Variants in KCNN2 observed in about 807,000 individuals in gnomAD.
KCNN2 encodes the protein small conductance calcium-activated potassium channel protein 2.
KCNN2 carries 24 observed loss-of-function variants against 55.5 expected under a neutral mutation model. That is an observed-to-expected ratio of 0.43 (90% CI 0.31 to 0.61). KCNN2 has a LOEUF of 0.61. Among genes scored for constraint, KCNN2 ranks in the 20% least tolerant of loss-of-function variants. The pLI, the probability that KCNN2 is intolerant of heterozygous loss-of-function variation, is 0.08. For missense variants in KCNN2, 754 were observed against 853.6 expected, an observed-to-expected ratio of 0.88 and a Z score of 1.45; for synonymous variants, 431 against 336.1, an observed-to-expected ratio of 1.28 and a Z score of -3.09.
intron 2 of KCNN2, among the ~76,000 whole-genome samples, chr5:114,229,668 A>C (rs1220740788): frequency 6.6e-6 from 1 of 152,112 alleles, no homozygotes; most frequent in Non-Finnish European, 1.5e-5. Flanking sequence ...AATACATATT[A>C]AAATTTACGT....
At chr5:114,297,523 C>T (rs1756053425) in intron 2 of KCNN2, among the ~76,000 whole-genome samples, 1 of 152,022 alleles carries the variant, frequency 6.6e-6, no homozygotes, top group Admixed American at 6.5e-5. Context: ...TAAATTGGTA[C>T]ATCATCTTTG....
intron 1 of KCNN2, among the ~76,000 whole-genome samples, chr5:114,218,889 G>C (rs1754066320): frequency 6.6e-6 from 1 of 152,130 alleles, no homozygotes; most frequent in Non-Finnish European, 1.5e-5. Context: ...CACCTTCATG[G>C]GACTTGTGGC....
intron 1 of KCNN2, among the ~76,000 whole-genome samples, chr5:114,198,379 T>C: frequency 6.7e-6 from 1 of 150,274 alleles, no homozygotes; most frequent in East Asian, 1.9e-4. Context: ...TATACATATA[T>C]ACATATATAT....
At chr5:114,241,137 T>A (rs1754609228) in intron 2 of KCNN2, among the ~76,000 whole-genome samples, 1 of 151,828 alleles carries the variant, frequency 6.6e-6, no homozygotes, top group Non-Finnish European at 1.5e-5. Context: ...AAGGAAGTTA[T>A]GAAATATAAC....
chr5:114,319,563 T>C (rs1034103874), intron 2 of KCNN2, among the ~76,000 whole-genome samples: 1 of 152,186 alleles, frequency 6.6e-6, no homozygotes, highest in African/African-American at 2.4e-5. Flanking sequence ...GGTGAGTTGC[T>C]ACTAGAAAAT....
intron 1 of KCNN2, among the ~76,000 whole-genome samples, chr5:114,207,633 T>C (rs1230068345): frequency 1.3e-5 from 2 of 152,224 alleles, no homozygotes; most frequent in African/African-American, 4.8e-5. Context: ...TTTTTTCTTG[T>C]CCTTGAAAGA....
chr5:114,293,990 G>T (rs1025253644), intron 2 of KCNN2, among the ~76,000 whole-genome samples: 2 of 152,172 alleles, frequency 1.3e-5, no homozygotes, highest in African/African-American at 2.4e-5. Flanking sequence ...AGAGTTGTTT[G>T]TAGTATTCTC....
At chr5:114,211,051 TA>T (rs1041969639) in intron 1 of KCNN2, among the ~76,000 whole-genome samples, 3 of 150,958 alleles carry the variant, frequency 2.0e-5, no homozygotes, top group Non-Finnish European at 4.4e-5. Context: ...ATTAAAAAGT[TA>T]AAAAAAAACA....
At chr5:114,483,273 CTTTTTTT>C (rs34472228) in intron 5 of KCNN2, among the ~76,000 whole-genome samples, 1 of 108,050 alleles carries the variant, frequency 9.3e-6, no homozygotes, top group Non-Finnish European at 1.9e-5. Flanking sequence ...TTCTTTCTTT[CTTTTTTT>C]TTTTTTTTTT....
chr5:114,267,905 C>T (rs537212001), intron 2 of KCNN2, among the ~76,000 whole-genome samples: 1 of 152,272 alleles, frequency 6.6e-6, no homozygotes, highest in Non-Finnish European at 1.5e-5. Flanking sequence ...ATGAGGGAAA[C>T]CAGTGTTTCT....
chr5:114,350,153 T>C (rs907506983), intron 2 of KCNN2, among the ~76,000 whole-genome samples: 2 of 152,046 alleles, frequency 1.3e-5, no homozygotes, highest in Admixed American at 1.3e-4. Flanking sequence ...TGTACATATT[T>C]ATAGGATACA....
chr5:114,167,342 T>G (rs1168131756), intron 1 of KCNN2, among the ~76,000 whole-genome samples: 4 of 152,174 alleles, frequency 2.6e-5, no homozygotes. Flanking sequence ...GGATTAATAA[T>G]AGTAACTGAA....
intron 3 of KCNN2, among the ~76,000 whole-genome samples, chr5:114,410,211 GAA>G (rs1351843182): frequency 6.6e-6 from 1 of 152,164 alleles, no homozygotes; most frequent in Non-Finnish European, 1.5e-5. Flanking sequence ...TTGGGGTCCT[GAA>G]GATTGGGAAT....
chr5:114,068,094 A>G (rs1031275644), intron 1 of KCNN2, among the ~76,000 whole-genome samples: 3 of 152,238 alleles, frequency 2.0e-5, no homozygotes, highest in African/African-American at 4.8e-5. Flanking sequence ...ATTAATTACC[A>G]CAAGACTGGT....
chr5:114,153,550 G>T (rs889808664), intron 1 of KCNN2, among the ~76,000 whole-genome samples: 3 of 152,138 alleles, frequency 2.0e-5, no homozygotes, highest in African/African-American at 4.8e-5. Flanking sequence ...TGTTTCTTGT[G>T]TCTGTTTCCC....
chr5:114,476,495 C>T (rs1292974701), intron 5 of KCNN2, among the ~76,000 whole-genome samples: 12 of 149,006 alleles, frequency 8.1e-5, no homozygotes, highest in East Asian at 7.9e-4. Context: ...AGTACAGTGG[C>T]GCAACCTCCA....
At chr5:114,156,767 T>C (rs954722694) in intron 1 of KCNN2, among the ~76,000 whole-genome samples, 5 of 152,124 alleles carry the variant, frequency 3.3e-5, no homozygotes, top group Non-Finnish European at 7.4e-5. Flanking sequence ...CTCTTTTTTT[T>C]CCTAAATTCA....
rs1437904238 is a variant in KCNN2, at chr5:114,457,986, C to G, written c.1638-5063C>G. Among the ~76,000 whole-genome samples the G allele has an allele frequency of 3.3e-5, 5 of 152,190 alleles. No individual in the cohort carries two copies. The East Asian group carries it at 9.6e-4, about 29-fold the overall frequency. On this transcript the variant is annotated intron_variant, in intron 3 of 7. Coordinates refer to ENST00000673685, the MANE Select transcript of KCNN2 (RefSeq NM_021614.4). Reference sequence around the variant, plus strand: ...TAAATCTAGTTCTCTGTTGCTCCATCTTGGCTGAAAGCAAATTACACAGTA... The same window carrying G: ...TAAATCTAGTTCTCTGTTGCTCCATGTTGGCTGAAAGCAAATTACACAGTA...
At chr5:114,390,457 C>G (rs1758420174) in intron 2 of KCNN2, among the ~76,000 whole-genome samples, 1 of 152,086 alleles carries the variant, frequency 6.6e-6, no homozygotes, top group Non-Finnish European at 1.5e-5. Flanking sequence ...CTTATTCTAC[C>G]TGAAGTTAGT....
Sources: gnomAD v4.1 joint callset for allele counts (sites outside exome capture counted in the v4.1 genomes callset) on GRCh38, gnomAD v4.1.1 for gene constraint, MANE v1.5 for transcripts, NCBI Gene and HGNC (gene_info 2026-07-23, HGNC 2026-07-21) for gene names.